The following PARD6G variants were observed in gnomAD, a reference collection of about 807,000 sequenced individuals.
The protein encoded by PARD6G is partitioning defective 6 homolog gamma.
Under a neutral mutation model 10.7 loss-of-function variants are expected in PARD6G, and 7 were observed. The observed-to-expected ratio is 0.66, with a 90% CI of 0.37 to 1.23. PARD6G has a LOEUF of 1.23. Ranked by LOEUF, PARD6G falls within the 50% of genes most tolerant of loss-of-function variation. The pLI is 0.02. For missense variants in PARD6G, 548 were observed against 571.8 expected, an observed-to-expected ratio of 0.96 and a Z score of 0.42; for synonymous variants, 287 against 269.4, an observed-to-expected ratio of 1.07 and a Z score of -0.64.
intron 2 of PARD6G, among the ~76,000 whole-genome samples, chr18:80,179,932 G>A (rs1388921127): frequency 1.3e-5 from 2 of 152,270 alleles, no homozygotes; most frequent in Admixed American, 6.5e-5. Context: ...TGCCATGAGC[G>A]TGCTGCCTGG....
rs892828433 is a variant in PARD6G at position 80,183,296 on chromosome 18, A to G, written c.295+19414T>C. ...ACAGGCATAGTGGAAAAGTACGCTG[A>G]CCTTCTCAGTGGCTCTAAAACAACA... On this transcript the variant is annotated intron_variant, in intron 2 of 2. Transcript: ENST00000353265. This position sits in a 1 kb window ranked among gnomAD's most constrained non-coding sequence, Gnocchi z 4.5. 7.8e-6 allele frequency: 5 copies of G among 643,306 alleles called. No homozygotes were observed. The highest frequency in any genetic ancestry group is 1.1e-5 in the Non-Finnish European group (4 of 356,004). 39.8% of individuals were successfully genotyped at this position (643,306 alleles called of 1,614,324 possible).
In PARD6G at chr18:80,200,757, C is replaced by T. The variant is rs1967000138; in HGVS notation, c.295+1953G>A. On this transcript the variant is annotated intron_variant, in intron 2 of 2. Transcript: ENST00000353265. This position sits in a 1 kb window ranked among gnomAD's most constrained non-coding sequence, Gnocchi z 4.4. ...CCCCAGCCAGCAAGCTGGAAAGAGG[C>T]AGAGTGTCCGAGCTGCTGCTGGAGG... Among the ~76,000 whole-genome samples the T allele has an allele frequency of 6.6e-6, 1 of 152,196 alleles. No individual in the cohort carries two copies. The highest frequency in any genetic ancestry group is 6.5e-5 in the Admixed American group (1 of 15,286).
intron 1 of PARD6G, among the ~76,000 whole-genome samples, chr18:80,238,729 G>A (rs1239400967): frequency 3.3e-5 from 5 of 151,916 alleles, no homozygotes; most frequent in Admixed American, 2.0e-4. Context: ...AGACACTGTC[G>A]TTGGGCTAAG....
chr18:80,215,355 T>G (rs1455184322), intron 1 of PARD6G, among the ~76,000 whole-genome samples: 1 of 152,144 alleles, frequency 6.6e-6, no homozygotes, highest in East Asian at 1.9e-4. Context: ...TATATAAAAA[T>G]GATAGTATAA....
intron 1 of PARD6G, among the ~76,000 whole-genome samples, chr18:80,224,478 T>C (rs1967265751): frequency 1.3e-5 from 2 of 152,192 alleles, no homozygotes; most frequent in Non-Finnish European, 2.9e-5. Flanking sequence ...CAAACAGGGC[T>C]CATGTTTGGT....
At position 80,210,167 on chromosome 18, in the gene PARD6G, C is replaced by T. The variant is rs368823955; in HGVS notation, c.73-7235G>A. On this transcript the variant is annotated intron_variant, in intron 1 of 2. Coordinates refer to ENST00000353265, the MANE Select transcript of PARD6G (RefSeq NM_032510.4). ...AAGACAGCTAGGAGCCTGGGAAGCA[C>T]GACAGGAAAGATGACAGGACAGTGC... 1.5e-4 allele frequency among the ~76,000 whole-genome samples: 23 copies of T among 152,230 alleles called. No homozygotes were observed. In the East Asian group the frequency reaches 2.3e-3, roughly 15 times the overall value.
rs1000367828 is a variant in PARD6G, at chr18:80,202,781, T to C, written c.224A>G (p.Asn75Ser). The C allele has an allele frequency of 1.5e-5, 25 of 1,613,934 alleles. No individual in the cohort carries two copies. Among genetic ancestry groups the C allele is most frequent in the Non-Finnish European group, 1.9e-5 (23 of 1,179,958 alleles). Residue 75 changes from asparagine to serine, a missense_variant, in exon 2 of 3, where the codon AAC becomes AGC. By Grantham distance (46) the Asn-to-Ser change is conservative. Around this residue, in one of 2 missense-constraint regions of PARD6G, gnomAD observed 235 missense variants for 291.9 expected, o/e 0.81. Transcript: ENST00000353265. ...ADVHGDLLPINNDDNFCKAVS... is the reference protein window; with the variant it reads ...ADVHGDLLPISNDDNFCKAVS... ...CGCCTTGCAGAAGTTGTCATCATTG[T>C]TGATGGGCAGCAGGTCTCCGTGCAC...
At chr18:80,218,363 T>C (rs1252157196) in intron 1 of PARD6G, among the ~76,000 whole-genome samples, 1 of 151,642 alleles carries the variant, frequency 6.6e-6, no homozygotes, top group Non-Finnish European at 1.5e-5. Context: ...CAGGAGAAAT[T>C]GGCCAAAACA....
chr18:80,186,368 C>T (rs1329727567), intron 2 of PARD6G, among the ~76,000 whole-genome samples: 11 of 48,310 alleles, frequency 2.3e-4, no homozygotes, highest in Non-Finnish European at 1.1e-4. Flanking sequence ...CATGCTCGCA[C>T]ACCCACACAT....
At chr18:80,223,873 G>A (rs1280719717) in intron 1 of PARD6G, among the ~76,000 whole-genome samples, 1 of 152,184 alleles carries the variant, frequency 6.6e-6, no homozygotes. Context: ...AAGAACTCAG[G>A]GAAGGCTCAT....
At position 80,157,679 on chromosome 18, in the gene PARD6G, C is replaced by A. The variant is rs2052664905; in HGVS notation, c.*2092G>T. 6.6e-6 allele frequency: 1 copy of A among 152,186 alleles called. No individual in the cohort carries two copies. Among genetic ancestry groups the A allele is most frequent in the Non-Finnish European group, 1.5e-5 (1 of 68,052 alleles). The allele number at this position is 152,186 out of a possible 1,614,324, so 9.4% of individuals were successfully genotyped here. On this transcript the variant is annotated 3_prime_UTR_variant, in exon 3 of 3. Coordinates refer to ENST00000353265, the MANE Select transcript of PARD6G (RefSeq NM_032510.4). ...GAGAGCAAGTCCGGGGGGTGCGGAT[C>A]CTCACCGGAGAGGTCATGGGGAAGC...
chr18:80,235,135 G>T (rs1967405258), intron 1 of PARD6G, among the ~76,000 whole-genome samples: 1 of 152,132 alleles, frequency 6.6e-6, no homozygotes, highest in Non-Finnish European at 1.5e-5. Context: ...AAATGTAAAA[G>T]AATAGAAATT....
At chr18:80,218,441 C>T (rs1012872755) in intron 1 of PARD6G, among the ~76,000 whole-genome samples, 4 of 152,178 alleles carry the variant, frequency 2.6e-5, no homozygotes, top group Non-Finnish European at 2.9e-5. Context: ...AGTTCCAAAA[C>T]GATCTCCTTT....
rs759402630 is a variant in PARD6G, at chr18:80,202,682, C to G, written c.295+28G>C. ...TTTTAAAAATGATTTCTCAACAAGA[C>G]CAGCCGGCCACTCAACCACTTCAGT... On this transcript the variant is annotated intron_variant, in intron 2 of 2. Coordinates refer to ENST00000353265, the MANE Select transcript of PARD6G (RefSeq NM_032510.4). 12 of 1,584,228 alleles carry G rather than the reference C, an allele frequency of 7.6e-6. No individual in the cohort carries two copies. In the African/African-American group the frequency reaches 1.5e-4, roughly 20 times the overall value.
At chr18:80,191,278 G>C (rs1311768461) in intron 2 of PARD6G, among the ~76,000 whole-genome samples, 1 of 152,132 alleles carries the variant, frequency 6.6e-6, no homozygotes, top group Non-Finnish European at 1.5e-5. Flanking sequence ...GAAAATGTCG[G>C]GGCAGCAGCT....
Position 80,246,108 on chromosome 18 carries a change from C to A in PARD6G, c.72+1169G>T, listed in dbSNP as rs369238904. Among the ~76,000 whole-genome samples the A allele has an allele frequency of 2.0e-5, 3 of 152,184 alleles. No homozygotes were observed. Among genetic ancestry groups the A allele is most frequent in the East Asian group, 1.9e-4 (1 of 5,170 alleles). On this transcript the variant is annotated intron_variant, in intron 1 of 2. Transcript: ENST00000353265. The surrounding 1 kb of genome is among the most constrained non-coding windows in gnomAD (Gnocchi z 6.7). Reference sequence around the variant, plus strand: ...CTCCCCAGAGACAGGGGAGGGAACACCCGCCCTGCGCCCAAGATAGGCACA... The same window carrying A: ...CTCCCCAGAGACAGGGGAGGGAACAACCGCCCTGCGCCCAAGATAGGCACA...
chr18:80,204,684 C>G (rs567446170), intron 1 of PARD6G, among the ~76,000 whole-genome samples: 1 of 151,918 alleles, frequency 6.6e-6, no homozygotes, highest in South Asian at 2.1e-4. Context: ...CATGGTGGCT[C>G]ACGCCTGTAA....
At chr18:80,219,202 G>C (rs889318899) in intron 1 of PARD6G, among the ~76,000 whole-genome samples, 1 of 74,164 alleles carries the variant, frequency 1.3e-5, no homozygotes, top group African/African-American at 4.3e-5. Context: ...CCAGAAAATA[G>C]GGTTTGTTTG....
intron 2 of PARD6G, chr18:80,177,942 T>C (rs1301514009): frequency 2.8e-5 from 4 of 144,498 alleles, no homozygotes; most frequent in African/African-American, 1.1e-4. Context: ...ATGCACAAGA[T>C]AATCACAGTC....
Sources: allele counts gnomAD v4.1 joint callset (sites outside exome capture counted in the v4.1 genomes callset), GRCh38; gene constraint gnomAD v4.1.1; regional missense constraint gnomAD v4.1.1; non-coding constraint Gnocchi (gnomAD v3.1); transcripts MANE v1.5; gene names NCBI Gene and HGNC (gene_info 2026-07-23, HGNC 2026-07-21).